RANBP17: variants seen among roughly 807,000 people sequenced by gnomAD.
RANBP17 encodes RAN binding protein 17.
RANBP17 carries 158 observed loss-of-function variants against 141.2 expected under a neutral mutation model. The ratio of observed to expected loss-of-function variants is 1.12; its 90% CI spans 0.98 to 1.28. The LOEUF (loss-of-function observed/expected upper bound fraction) is 1.28, where lower values mean the gene tolerates loss of function less well. Ranked by LOEUF, RANBP17 falls within the 50% of genes most tolerant of loss-of-function variation. The pLI, the probability that RANBP17 is intolerant of heterozygous loss-of-function variation, is 0.00. For missense variants in RANBP17, 1,438 were observed against 1,290.7 expected (o/e 1.11, Z -1.75); for synonymous variants, 430 against 450.0 (o/e 0.96, Z 0.56).
At chr5:171,243,137 C>A in intron 24 of RANBP17, 1 of 224,870 alleles carries the variant, frequency 4.4e-6, no homozygotes, top group South Asian at 1.0e-4. Context: ...CAATATGTAG[C>A]ACATTTTTAT....
chr5:171,229,759 GAAAAAAA>G lies in RANBP17; in HGVS notation c.2422+7931_2422+7937del, dbSNP rs758827854. Among the ~76,000 whole-genome samples, 111 of 88,330 alleles carry G rather than the reference GAAAAAAA, an allele frequency of 1.3e-3. 2 individuals carry two copies. Among genetic ancestry groups the G allele is most frequent in the Admixed American group, 7.5e-4 (6 of 7,974 alleles). 57.9% of individuals were successfully genotyped at this position (88,330 alleles called of 152,430 possible). ...TAGGAAGATAAATAAGATGCAAAAGGAAAAAAAAAAAAAAAAAAGAATCCACCTGGGC... is the reference window on the plus strand; with the variant it reads ...TAGGAAGATAAATAAGATGCAAAAGGAAAAAAAAAAAGAATCCACCTGGGC... On this transcript the variant is annotated intron_variant, in intron 22 of 27. Coordinates refer to ENST00000523189, the MANE Select transcript of RANBP17 (RefSeq NM_022897.5).
intron 14 of RANBP17, among the ~76,000 whole-genome samples, chr5:171,084,054 G>A (rs1317367379): frequency 1.3e-5 from 2 of 148,950 alleles, no homozygotes; most frequent in Non-Finnish European, 1.5e-5. Flanking sequence ...CTGGTGCGCT[G>A]CACCCACTAA....
At position 171,089,415 on chromosome 5, in the gene RANBP17, T is replaced by A. The variant is rs539981693; in HGVS notation, c.1711-80715T>A. 8.4e-4 allele frequency among the ~76,000 whole-genome samples: 128 copies of A among 151,974 alleles called. 1 individual carries two copies. Among genetic ancestry groups the A allele is most frequent in the African/African-American group, 3.0e-3 (125 of 41,484 alleles). ...CAGAGGTTACTGCTGTCTTTTTGTT[T>A]GTCTGTGCCCTGCCCCCAGAGGTGG... is the stretch of plus-strand genomic sequence containing the variant. On this transcript the variant is annotated intron_variant, in intron 14 of 27. Coordinates refer to ENST00000523189, the MANE Select transcript of RANBP17 (RefSeq NM_022897.5).
intron 22 of RANBP17, among the ~76,000 whole-genome samples, chr5:171,237,992 A>C (rs1764642960): frequency 6.6e-6 from 1 of 152,186 alleles, no homozygotes; most frequent in Non-Finnish European, 1.5e-5. Flanking sequence ...ATACATATTG[A>C]ATAAAGCTGC....
intron 2 of RANBP17, among the ~76,000 whole-genome samples, chr5:170,879,089 T>G (rs1554127385): frequency 2.0e-5 from 3 of 152,144 alleles, no homozygotes; most frequent in Non-Finnish European, 4.4e-5. Context: ...AGTTGTTTTC[T>G]ATCATCATCA....
At chr5:171,075,889 G>A (rs1026346121) in intron 14 of RANBP17, among the ~76,000 whole-genome samples, 7 of 152,082 alleles carry the variant, frequency 4.6e-5, no homozygotes, top group African/African-American at 9.7e-5. Context: ...GGAGGCGGAG[G>A]TTGCAGTGAG....
intron 14 of RANBP17, among the ~76,000 whole-genome samples, chr5:171,089,504 G>T (rs549116787): frequency 6.6e-6 from 1 of 152,034 alleles, no homozygotes; most frequent in Non-Finnish European, 1.5e-5. Context: ...GAGCTTCCCG[G>T]CTGCTTTGTT....
intron 14 of RANBP17, among the ~76,000 whole-genome samples, chr5:171,112,093 T>C (rs2127760631): frequency 6.6e-6 from 1 of 152,324 alleles, no homozygotes; most frequent in East Asian, 1.9e-4. Flanking sequence ...CAACTATCAT[T>C]ATTCTCCTAA....
intron 14 of RANBP17, among the ~76,000 whole-genome samples, chr5:171,004,635 A>T (rs1322646633): frequency 6.6e-6 from 1 of 152,154 alleles, no homozygotes; most frequent in Non-Finnish European, 1.5e-5. Context: ...TTCCAAGGCG[A>T]TGGGCAGCAT....
At chr5:170,865,053 TTTG>T (rs551732665) in intron 1 of RANBP17, among the ~76,000 whole-genome samples, 126 of 151,986 alleles carry the variant, frequency 8.3e-4, no homozygotes, top group African/African-American at 2.8e-3. Context: ...TGTTTGCAGG[TTTG>T]TTGTTGTTGT....
chr5:170,890,272 G>A (rs1561859185), intron 3 of RANBP17, among the ~76,000 whole-genome samples: 1 of 152,168 alleles, frequency 6.6e-6, no homozygotes. Context: ...TCAGGAAGCA[G>A]TGTCATCTTC....
At chr5:170,871,676 A>C (rs1004886903) in intron 1 of RANBP17, among the ~76,000 whole-genome samples, 17 of 152,196 alleles carry the variant, frequency 1.1e-4, no homozygotes, top group African/African-American at 3.4e-4. Flanking sequence ...TCTTTAATCC[A>C]TCTTGAGTTA....
intron 22 of RANBP17, among the ~76,000 whole-genome samples, chr5:171,235,915 G>A (rs1008734645): frequency 1.3e-5 from 2 of 152,188 alleles, no homozygotes; most frequent in African/African-American, 4.8e-5. Flanking sequence ...TTTTTAATAA[G>A]TGTCACCAAA....
chr5:171,188,650 C>G (rs1281738614), intron 18 of RANBP17, among the ~76,000 whole-genome samples: 1 of 152,178 alleles, frequency 6.6e-6, no homozygotes, highest in Non-Finnish European at 1.5e-5. Flanking sequence ...GTTTTTAAAA[C>G]TAGGTCCGTG....
chr5:171,097,495 T>C (rs930036213), intron 14 of RANBP17, among the ~76,000 whole-genome samples: 1 of 151,856 alleles, frequency 6.6e-6, no homozygotes, highest in East Asian at 1.9e-4. Flanking sequence ...AGTAAACAAG[T>C]CTGTAAATTA....
rs964938453 is a variant in RANBP17, at chr5:171,075,768, G to A, written c.1711-94362G>A. ...AGCAGTTTGAGACCAGACTGGCCAC[G>A]ATGGCGAAACCCTGTCTCTGCTAAA... On this transcript the variant is annotated intron_variant, in intron 14 of 27. Transcript: ENST00000523189. Among the ~76,000 whole-genome samples, 6 of 152,104 alleles carry A rather than the reference G, an allele frequency of 3.9e-5. No homozygotes were observed. In the South Asian group the frequency reaches 1.0e-3, roughly 26 times the overall value.
At chr5:170,945,037 T>TC (rs1283211309) in intron 12 of RANBP17, among the ~76,000 whole-genome samples, 1 of 152,206 alleles carries the variant, frequency 6.6e-6, no homozygotes, top group East Asian at 1.9e-4. Flanking sequence ...CCCCAGCCTT[T>TC]CCCATACATT....
At chr5:171,121,834 C>T (rs147003741) in intron 14 of RANBP17, among the ~76,000 whole-genome samples, 12 of 152,296 alleles carry the variant, frequency 7.9e-5, no homozygotes, top group Non-Finnish European at 1.6e-4. Flanking sequence ...CACACCCCCA[C>T]CCCTGCCAAG....
intron 25 of RANBP17, among the ~76,000 whole-genome samples, chr5:171,270,609 C>G (rs543811161): frequency 3.3e-5 from 5 of 152,150 alleles, no homozygotes; most frequent in African/African-American, 1.2e-4. Context: ...GTATTTGTAT[C>G]TATAATACAT....
Sources: allele counts gnomAD v4.1 joint callset (sites outside exome capture counted in the v4.1 genomes callset), GRCh38; gene constraint gnomAD v4.1.1; transcripts MANE v1.5; gene names NCBI Gene and HGNC (gene_info 2026-07-23, HGNC 2026-07-21).